Variants in GRM8 observed in about 807,000 individuals in gnomAD.
The protein encoded by GRM8 is metabotropic glutamate receptor 8.
In GRM8, 47 loss-of-function variants were observed where a neutral mutation model predicts 87.2. The ratio of observed to expected loss-of-function variants is 0.54; its 90% confidence interval spans 0.43 to 0.69. GRM8 has a LOEUF of 0.69. Ranked by LOEUF, GRM8 falls within the 30% of genes least tolerant of loss-of-function variation. The pLI, the probability that GRM8 is intolerant of heterozygous loss-of-function variation, is 0.00. For synonymous variants in GRM8, 396 were observed against 404.5 expected (o/e 0.98, Z 0.25); for missense variants, 1,019 against 1,139.2 (o/e 0.89, Z 1.52).
At chr7:126,472,276 G>A (rs1405545872) in intron 9 of GRM8, among the ~76,000 whole-genome samples, 1 of 152,122 alleles carries the variant, frequency 6.6e-6, no homozygotes, top group Non-Finnish European at 1.5e-5. Flanking sequence ...GTTTTCAAAG[G>A]GAATGCTTCC....
rs541386703 is a variant in GRM8 at position 126,444,426 on chromosome 7, G to T, written c.2677+1700C>A. Among the ~76,000 whole-genome samples the T allele has an allele frequency of 3.3e-5, 5 of 152,146 alleles. No homozygotes were observed. In the East Asian group the frequency reaches 9.7e-4, roughly 30 times the overall value. ...CTTCGCATATTTCTTACTTCACAAG[G>T]TTTCATGTTTGCAGAAAGGTGAATA... On this transcript the variant is annotated intron_variant, in intron 10 of 10. Coordinates refer to ENST00000339582, the MANE Select transcript of GRM8 (RefSeq NM_000845.3).
intron 8 of GRM8, among the ~76,000 whole-genome samples, chr7:126,593,591 A>G (rs989787313): frequency 2.6e-5 from 4 of 152,086 alleles, no homozygotes; most frequent in African/African-American, 9.7e-5. Context: ...TCATATGAAA[A>G]TTAACTTAAA....
intron 8 of GRM8, among the ~76,000 whole-genome samples, chr7:126,605,077 T>TA (rs146275917): frequency 0.025 from 3,730 of 152,146 alleles, 142 homozygotes; most frequent in African/African-American, 0.085. Flanking sequence ...GAAAAAGCAT[T>TA]AAAAAAAGCC....
chr7:127,061,888 T>A (rs536442958), intron 3 of GRM8, among the ~76,000 whole-genome samples: 1 of 152,320 alleles, frequency 6.6e-6, no homozygotes, highest in African/African-American at 2.4e-5. Flanking sequence ...CCAGACTGAT[T>A]AATTAAAGAA....
intron 2 of GRM8, among the ~76,000 whole-genome samples, chr7:127,109,325 T>A (rs1826122186): frequency 2.0e-5 from 3 of 148,244 alleles, no homozygotes; most frequent in Admixed American, 6.7e-5. Context: ...CCCCATCCTT[T>A]AAAAAAAAAA....
intron 1 of GRM8, among the ~76,000 whole-genome samples, chr7:127,244,955 C>T (rs1798508106): frequency 6.6e-6 from 1 of 152,190 alleles, no homozygotes; most frequent in South Asian, 2.1e-4. Flanking sequence ...TCCGGGCACA[C>T]ATTAAGCCTT....
intron 7 of GRM8, among the ~76,000 whole-genome samples, chr7:126,624,503 C>T (rs958322856): frequency 7.9e-5 from 12 of 152,188 alleles, no homozygotes; most frequent in African/African-American, 2.9e-4. Context: ...TTATTGCCTT[C>T]ATAGTACTTT....
chr7:126,530,534 A>C (rs1425080966), intron 9 of GRM8, among the ~76,000 whole-genome samples: 1 of 152,220 alleles, frequency 6.6e-6, no homozygotes, highest in Non-Finnish European at 1.5e-5. Context: ...ACATGGGCTC[A>C]ATAATTAGTT....
At chr7:127,097,219 G>C (rs747878125) in intron 3 of GRM8, among the ~76,000 whole-genome samples, 16 of 152,192 alleles carry the variant, frequency 1.1e-4, no homozygotes, top group South Asian at 2.1e-4. Flanking sequence ...GATGAGGCAA[G>C]ATACCCCAAA....
chr7:126,880,069 T>C (rs181451312), intron 6 of GRM8, among the ~76,000 whole-genome samples: 1 of 152,342 alleles, frequency 6.6e-6, no homozygotes, highest in Non-Finnish European at 1.5e-5. Flanking sequence ...CTATGACCTT[T>C]TCACTATTAA....
At chr7:126,450,714 G>A (rs781563833) in intron 9 of GRM8, among the ~76,000 whole-genome samples, 1 of 151,680 alleles carries the variant, frequency 6.6e-6, no homozygotes, top group Non-Finnish European at 1.5e-5. Context: ...TCATGCAAAA[G>A]TCCAAACTCA....
At chr7:126,478,939 T>G (rs149092939) in intron 9 of GRM8, among the ~76,000 whole-genome samples, 28 of 152,230 alleles carry the variant, frequency 1.8e-4, no homozygotes, top group Middle Eastern at 3.4e-3. Flanking sequence ...ATTTTTATAA[T>G]TAAATATGGG....
intron 9 of GRM8, among the ~76,000 whole-genome samples, chr7:126,460,904 A>C: frequency 6.6e-6 from 1 of 151,562 alleles, no homozygotes; most frequent in East Asian, 1.9e-4. Flanking sequence ...AGCCAGAACC[A>C]AGAAACTTGT....
intron 6 of GRM8, among the ~76,000 whole-genome samples, chr7:126,892,821 C>T (rs989526025): frequency 5.3e-5 from 8 of 152,024 alleles, no homozygotes; most frequent in Non-Finnish European, 8.8e-5. Context: ...TTTTTAATGA[C>T]TGCCATTCTA....
intron 2 of GRM8, among the ~76,000 whole-genome samples, chr7:127,126,179 T>G (rs558242949): frequency 2.6e-5 from 4 of 152,228 alleles, no homozygotes; most frequent in African/African-American, 9.6e-5. Flanking sequence ...TGTACTCATA[T>G]GTTTATCATA....
At chr7:126,601,874 T>C (rs199801425) in intron 8 of GRM8, among the ~76,000 whole-genome samples, 23,508 of 118,756 alleles carry the variant, frequency 0.2, 2,864 homozygotes, top group East Asian at 0.33. Context: ...TTCTCCCATT[T>C]TGTGGGTTGC....
intron 9 of GRM8, among the ~76,000 whole-genome samples, chr7:126,529,011 G>C (rs1814372583): frequency 6.6e-6 from 1 of 152,190 alleles, no homozygotes; most frequent in South Asian, 2.1e-4. Flanking sequence ...CTCAATAGTT[G>C]CATCAATTCT....
intron 2 of GRM8, among the ~76,000 whole-genome samples, chr7:127,130,552 C>T (rs560046107): frequency 6.6e-5 from 10 of 152,230 alleles, no homozygotes; most frequent in Admixed American, 6.5e-4. Flanking sequence ...TTTGCCCCCG[C>T]CCTAGAGATA....
At chr7:126,662,786 A>G (rs1023114657) in intron 7 of GRM8, among the ~76,000 whole-genome samples, 1 of 152,152 alleles carries the variant, frequency 6.6e-6, no homozygotes. Flanking sequence ...AAAGCCAAGG[A>G]GCTTCCGTTC....
Sources: gnomAD v4.1 joint callset for allele counts (sites outside exome capture counted in the v4.1 genomes callset) on GRCh38, gnomAD v4.1.1 for gene constraint, MANE v1.5 for transcripts, NCBI Gene and HGNC (gene_info 2026-07-23, HGNC 2026-07-21) for gene names.